The following PRIMA1 variants were observed in gnomAD, a reference collection of about 807,000 sequenced individuals.
The protein encoded by PRIMA1 is proline rich membrane anchor 1.
PRIMA1 carries 7 observed loss-of-function variants against 17.5 expected under a neutral mutation model. That is an observed-to-expected ratio of 0.40 (90% CI 0.23 to 0.75). The LOEUF (loss-of-function observed/expected upper bound fraction) is 0.75. Ranked by LOEUF, PRIMA1 falls within the 30% of genes least tolerant of loss-of-function variation. The pLI is 0.37. For missense variants in PRIMA1, 200 were observed against 201.8 expected (o/e 0.99, Z 0.05); for synonymous variants, 97 against 77.9 (o/e 1.25, Z -1.29).
intron 3 of PRIMA1, among the ~76,000 whole-genome samples, chr14:93,747,709 A>G (rs1237403145): frequency 6.7e-6 from 1 of 149,766 alleles, no homozygotes; most frequent in African/African-American, 2.5e-5. Flanking sequence ...TGAGTGTGTG[A>G]GTGTATGAGT....
intron 3 of PRIMA1, among the ~76,000 whole-genome samples, chr14:93,738,979 T>C (rs2141162511): frequency 6.6e-6 from 1 of 152,390 alleles, no homozygotes; most frequent in East Asian, 1.9e-4. Flanking sequence ...TTACTGTGTA[T>C]TTCAGCAGCT....
intron 3 of PRIMA1, among the ~76,000 whole-genome samples, chr14:93,762,039 C>T (rs948420718): frequency 2.6e-5 from 4 of 152,160 alleles, no homozygotes; most frequent in African/African-American, 9.7e-5. Context: ...CAGAAACAAC[C>T]TCCCTCGATG....
chr14:93,745,914 C>T (rs1469214662), intron 3 of PRIMA1, among the ~76,000 whole-genome samples: 4 of 152,162 alleles, frequency 2.6e-5, no homozygotes, highest in Non-Finnish European at 5.9e-5. Context: ...GCAACAGAAC[C>T]GCCTCCTCAG....
At chr14:93,736,560 C>T (rs1387082812) in intron 4 of PRIMA1, among the ~76,000 whole-genome samples, 1 of 152,226 alleles carries the variant, frequency 6.6e-6, no homozygotes, top group African/African-American at 2.4e-5. Flanking sequence ...TGCATGGAGC[C>T]GCCATGCCCG....
chr14:93,729,416 G>C (rs1055231283), intron 4 of PRIMA1, among the ~76,000 whole-genome samples: 1 of 152,178 alleles, frequency 6.6e-6, no homozygotes, highest in Non-Finnish European at 1.5e-5. Context: ...ACCACATTGA[G>C]ACCCTACCTG....
chr14:93,756,393 G>C (rs1024008556), intron 3 of PRIMA1, among the ~76,000 whole-genome samples: 2 of 152,156 alleles, frequency 1.3e-5, no homozygotes, highest in Non-Finnish European at 2.9e-5. Flanking sequence ...GGGAAATGAA[G>C]CTGTCATCCT....
At chr14:93,772,326 C>T (rs541088853) in intron 3 of PRIMA1, among the ~76,000 whole-genome samples, 2 of 152,380 alleles carry the variant, frequency 1.3e-5, no homozygotes, top group East Asian at 3.9e-4. Flanking sequence ...CCAATAAAAT[C>T]TCTATCAGTG....
chr14:93,778,532 C>T (rs149044946), intron 3 of PRIMA1, among the ~76,000 whole-genome samples: 96 of 152,316 alleles, frequency 6.3e-4, no homozygotes, highest in African/African-American at 2.2e-3. Flanking sequence ...CTTGAATGAA[C>T]CACGTGAAAT....
At position 93,780,718 on chromosome 14, in the gene PRIMA1, A is replaced by C. The variant is rs79145122; in HGVS notation, c.94-1407T>G. On this transcript the variant is annotated intron_variant, in intron 2 of 4. Coordinates refer to ENST00000393140, the MANE Select transcript of PRIMA1 (RefSeq NM_178013.4). ...TTTCCAGGTTAAACTTCTTATGCAGAGCCAGCATGGGAACTGGGTAGATGG... is the reference window on the plus strand; with the variant it reads ...TTTCCAGGTTAAACTTCTTATGCAGCGCCAGCATGGGAACTGGGTAGATGG... 6.0e-3 allele frequency among the ~76,000 whole-genome samples: 916 copies of C among 152,346 alleles called. 7 individuals are homozygous for C. The highest frequency in any genetic ancestry group is 0.021 in the African/African-American group (868 of 41,570).
intron 4 of PRIMA1, chr14:93,725,806 A>G: frequency 2.7e-6 from 1 of 366,774 alleles, no homozygotes; most frequent in South Asian, 2.0e-5. Flanking sequence ...GGCAGCAGCC[A>G]AGGTTCTCCA....
At chr14:93,739,142 T>C (rs1031000339) in intron 3 of PRIMA1, among the ~76,000 whole-genome samples, 1 of 152,018 alleles carries the variant, frequency 6.6e-6, no homozygotes, top group African/African-American at 2.4e-5. Flanking sequence ...AACCTCTGCC[T>C]CCTCGGTTCA....
At chr14:93,772,282 TCC>T (rs1885092373) in intron 3 of PRIMA1, among the ~76,000 whole-genome samples, 2 of 152,258 alleles carry the variant, frequency 1.3e-5, no homozygotes, top group South Asian at 4.1e-4. Flanking sequence ...TCACTTAACC[TCC>T]TTCTGATCTT....
chr14:93,768,616 C>A (rs1294495432), intron 3 of PRIMA1, among the ~76,000 whole-genome samples: 1 of 152,114 alleles, frequency 6.6e-6, no homozygotes, highest in Non-Finnish European at 1.5e-5. Flanking sequence ...CCAGAACTTG[C>A]CATGGCACAA....
At chr14:93,774,584 T>C (rs560506551) in intron 3 of PRIMA1, among the ~76,000 whole-genome samples, 3 of 152,342 alleles carry the variant, frequency 2.0e-5, no homozygotes, top group Non-Finnish European at 4.4e-5. Flanking sequence ...GCTGTCTGCT[T>C]TGGCCACTCC....
chr14:93,751,093 G>A (rs932027819), intron 3 of PRIMA1, among the ~76,000 whole-genome samples: 3 of 152,196 alleles, frequency 2.0e-5, no homozygotes, highest in East Asian at 3.9e-4. Flanking sequence ...CCTGCTGGCC[G>A]GGACGCAGGG....
At chr14:93,770,628 G>GCA (rs1885031814) in intron 3 of PRIMA1, among the ~76,000 whole-genome samples, 1 of 152,074 alleles carries the variant, frequency 6.6e-6, no homozygotes, top group African/African-American at 2.4e-5. Context: ...CTATCAAATC[G>GCA]TATGATTTTC....
At position 93,763,269 on chromosome 14, in the gene PRIMA1, G is replaced by A. The variant is rs56294013; in HGVS notation, c.229+15907C>T. Among the ~76,000 whole-genome samples the A allele has an allele frequency of 6.0e-4, 92 of 152,276 alleles. No homozygotes were observed. The Middle Eastern group carries it at 0.014, about 23-fold the overall frequency. Reference sequence around the variant, plus strand: ...GAGCCTCAGCTTCCGGCATCCCGGGGACTCTGCCTCTAAACCCCCGATCAG... The same window carrying A: ...GAGCCTCAGCTTCCGGCATCCCGGGAACTCTGCCTCTAAACCCCCGATCAG... On this transcript the variant is annotated intron_variant, in intron 3 of 4. Coordinates refer to ENST00000393140, the MANE Select transcript of PRIMA1 (RefSeq NM_178013.4).
At position 93,724,039 on chromosome 14, in the gene PRIMA1, C is replaced by A. The variant is rs572226123; in HGVS notation, c.360-2493G>T. 2.6e-5 allele frequency among the ~76,000 whole-genome samples: 4 copies of A among 152,286 alleles called. No individual in the cohort carries two copies. The East Asian group carries it at 7.7e-4, about 29-fold the overall frequency. On this transcript the variant is annotated intron_variant, in intron 4 of 4. Transcript: ENST00000393140. ...AGCTGGGATTACAGGTGTATGCCAC[C>A]AAGCCTGGCTAAGTTTTAAATTTTT... is the stretch of plus-strand genomic sequence containing the variant.
chr14:93,746,661 G>C (rs568219006), intron 3 of PRIMA1, among the ~76,000 whole-genome samples: 2 of 152,284 alleles, frequency 1.3e-5, no homozygotes, highest in South Asian at 4.1e-4. Context: ...TGTTTAAACT[G>C]GGTGTGTGGC....
Sources: gnomAD v4.1 joint callset for allele counts (sites outside exome capture counted in the v4.1 genomes callset) on GRCh38, gnomAD v4.1.1 for gene constraint, MANE v1.5 for transcripts, NCBI Gene and HGNC (gene_info 2026-07-23, HGNC 2026-07-21) for gene names.